The following NRXN3 variants were observed in gnomAD, a reference collection of about 807,000 sequenced individuals.
The protein encoded by NRXN3 is neurexin 3.
In NRXN3, 32 loss-of-function variants were observed where a neutral mutation model predicts 137.6. That is an observed-to-expected ratio of 0.23 (90% CI 0.18 to 0.31). The LOEUF (loss-of-function observed/expected upper bound fraction) is 0.31. Among genes scored for constraint, NRXN3 ranks in the 10% least tolerant of loss-of-function variants. The pLI is 1.00. For synonymous variants in NRXN3, 798 were observed against 784.5 expected, an observed-to-expected ratio of 1.02 and a Z score of -0.29; for missense variants, 1,574 against 2,062.5, an observed-to-expected ratio of 0.76 and a Z score of 4.59.
At chr14:78,953,341 G>A (rs2099390606) in intron 10 of NRXN3, among the ~76,000 whole-genome samples, 1 of 152,072 alleles carries the variant, frequency 6.6e-6, no homozygotes, top group Non-Finnish European at 1.5e-5. Flanking sequence ...AGAAATAAGG[G>A]TTCCATAGGG....
At chr14:79,601,040 CT>C (rs36044631) in intron 16 of NRXN3, among the ~76,000 whole-genome samples, 6,392 of 93,166 alleles carry the variant, frequency 0.069, 78 homozygotes, top group African/African-American at 0.16. Context: ...TCTTTGTTGC[CT>C]TTTTTTTTTT....
chr14:78,961,377 T>C (rs984293327), intron 11 of NRXN3, among the ~76,000 whole-genome samples: 5 of 151,956 alleles, frequency 3.3e-5, no homozygotes, highest in Admixed American at 1.3e-4. Flanking sequence ...CCCCAGAAGT[T>C]AGGAATGCTG....
At chr14:78,339,079 A>T (rs897378454) in intron 4 of NRXN3, among the ~76,000 whole-genome samples, 2 of 152,124 alleles carry the variant, frequency 1.3e-5, no homozygotes, top group Non-Finnish European at 2.9e-5. Context: ...CTTACCTGAG[A>T]AGGACAGATA....
intron 8 of NRXN3, among the ~76,000 whole-genome samples, chr14:78,781,937 A>C (rs1008592390): frequency 2.0e-5 from 3 of 152,188 alleles, no homozygotes; most frequent in Admixed American, 1.3e-4. Flanking sequence ...CATCTTCCCA[A>C]ATACATATTT....
intron 16 of NRXN3, among the ~76,000 whole-genome samples, chr14:79,503,402 C>G (rs556411877): frequency 7.9e-5 from 12 of 152,282 alleles, no homozygotes; most frequent in African/African-American, 2.2e-4. Context: ...CATTCTCCCC[C>G]ACTCATCCTA....
At chr14:79,513,659 G>A (rs1048656156) in intron 16 of NRXN3, among the ~76,000 whole-genome samples, 10 of 152,184 alleles carry the variant, frequency 6.6e-5, no homozygotes, top group African/African-American at 2.4e-4. Context: ...AGAGTGGATG[G>A]CAGTGCATAA....
At chr14:78,932,706 A>G (rs1185536311) in intron 10 of NRXN3, among the ~76,000 whole-genome samples, 1 of 152,248 alleles carries the variant, frequency 6.6e-6, no homozygotes, top group Non-Finnish European at 1.5e-5. Flanking sequence ...AAAGCAGACA[A>G]GCATAGAATG....
At chr14:78,679,723 G>A (rs2098053272) in intron 6 of NRXN3, among the ~76,000 whole-genome samples, 1 of 152,160 alleles carries the variant, frequency 6.6e-6, no homozygotes. Flanking sequence ...TGAGATCATT[G>A]AATTATTGAG....
intron 15 of NRXN3, among the ~76,000 whole-genome samples, chr14:79,315,664 G>A (rs985736926): frequency 1.3e-5 from 2 of 152,142 alleles, no homozygotes; most frequent in Non-Finnish European, 2.9e-5. Flanking sequence ...CAAAACTTAT[G>A]TAGTTTTTCC....
chr14:78,330,075 T>C (rs1014858930), intron 4 of NRXN3, among the ~76,000 whole-genome samples: 1 of 152,144 alleles, frequency 6.6e-6, no homozygotes, highest in African/African-American at 2.4e-5. Context: ...AGAGTTTGAT[T>C]TCTTTATACG....
At chr14:78,386,108 C>T (rs112912496) in intron 4 of NRXN3, among the ~76,000 whole-genome samples, 15 of 151,556 alleles carry the variant, frequency 9.9e-5, no homozygotes, top group African/African-American at 1.5e-4. Flanking sequence ...TAAAGAGAGA[C>T]GGGAGGATAA....
intron 19 of NRXN3, among the ~76,000 whole-genome samples, chr14:79,778,814 G>A (rs576584577): frequency 8.9e-4 from 135 of 152,228 alleles, no homozygotes; most frequent in African/African-American, 3.2e-3. Context: ...GTTACTTTTA[G>A]ATTTGTTCAG....
intron 4 of NRXN3, among the ~76,000 whole-genome samples, chr14:78,303,516 G>GAACA (rs1181578998): frequency 2.6e-5 from 4 of 151,946 alleles, no homozygotes; most frequent in Non-Finnish European, 5.9e-5. Context: ...AATTAAATCG[G>GAACA]GTCATGTAGC....
chr14:79,197,706 G>T (rs542366849), intron 15 of NRXN3, among the ~76,000 whole-genome samples: 2 of 152,194 alleles, frequency 1.3e-5, no homozygotes, highest in Admixed American at 1.3e-4. Flanking sequence ...CAATTTGAAG[G>T]CTGCTGACTG....
At chr14:79,021,435 A>G (rs907148141) in intron 15 of NRXN3, among the ~76,000 whole-genome samples, 5 of 152,188 alleles carry the variant, frequency 3.3e-5, no homozygotes, top group Non-Finnish European at 7.3e-5. Context: ...AATAAGCTTC[A>G]ATTAAATTAA....
At chr14:79,351,008 G>T (rs1471622539) in intron 15 of NRXN3, among the ~76,000 whole-genome samples, 1 of 152,132 alleles carries the variant, frequency 6.6e-6, no homozygotes, top group East Asian at 1.9e-4. Flanking sequence ...GCGGTTAAAT[G>T]ACTTCCCCAG....
chr14:78,360,190 C>T (rs2084910851), intron 4 of NRXN3, among the ~76,000 whole-genome samples: 2 of 152,102 alleles, frequency 1.3e-5, no homozygotes, highest in Non-Finnish European at 2.9e-5. Flanking sequence ...CTGAGCTTCT[C>T]TAGGGAACTT....
chr14:78,491,503 T>G (rs2095667520), intron 4 of NRXN3, among the ~76,000 whole-genome samples: 1 of 152,170 alleles, frequency 6.6e-6, no homozygotes, highest in African/African-American at 2.4e-5. Flanking sequence ...TATTCTCAGG[T>G]CTATTGTAGA....
intron 16 of NRXN3, among the ~76,000 whole-genome samples, chr14:79,556,377 C>T (rs930040750): frequency 1.3e-5 from 2 of 152,258 alleles, no homozygotes; most frequent in African/African-American, 2.4e-5. Flanking sequence ...GACTTCAGCT[C>T]ATAAGCATTT....
Sources: allele counts gnomAD v4.1 joint callset (sites outside exome capture counted in the v4.1 genomes callset), GRCh38; gene constraint gnomAD v4.1.1; transcripts MANE v1.5; gene names NCBI Gene and HGNC (gene_info 2026-07-23, HGNC 2026-07-21).